PCDHA12: variants seen among roughly 807,000 people sequenced by gnomAD.
PCDHA12 encodes the protein protocadherin alpha-12.
PCDHA12 carries 44 observed loss-of-function variants against 60.0 expected under a neutral mutation model. The ratio of observed to expected loss-of-function variants is 0.73; its 90% CI spans 0.58 to 0.94. The LOEUF (loss-of-function observed/expected upper bound fraction) is 0.94. Among genes scored for constraint, PCDHA12 ranks in the 40% least tolerant of loss-of-function variants. The pLI is 0.00. For missense variants in PCDHA12, 1,276 were observed against 1,239.7 expected, an observed-to-expected ratio of 1.03 and a Z score of -0.44; for synonymous variants, 569 against 553.0, an observed-to-expected ratio of 1.03 and a Z score of -0.40.
intron 1 of PCDHA12, among the ~76,000 whole-genome samples, chr5:140,960,271 CA>C (rs1193468231): frequency 2.0e-5 from 3 of 152,182 alleles, no homozygotes; most frequent in Non-Finnish European, 4.4e-5. Flanking sequence ...TAAATTCCGT[CA>C]CCTTTTTGGG....
At chr5:140,958,700 C>G (rs2095439212) in intron 1 of PCDHA12, among the ~76,000 whole-genome samples, 1 of 152,086 alleles carries the variant, frequency 6.6e-6, no homozygotes, top group Non-Finnish European at 1.5e-5. Context: ...CCTAGAGTGA[C>G]AACTCTGTTA....
intron 3 of PCDHA12, among the ~76,000 whole-genome samples, chr5:140,984,016 T>G (rs2153832874): frequency 6.6e-6 from 1 of 152,280 alleles, no homozygotes; most frequent in Non-Finnish European, 1.5e-5. Context: ...TATTGCCAGA[T>G]TGCAAGGGGA....
chr5:140,998,569 GT>G (rs71574497), intron 3 of PCDHA12, among the ~76,000 whole-genome samples: 30,440 of 149,318 alleles, frequency 0.2, 3,131 homozygotes, highest in Middle Eastern at 0.33. Flanking sequence ...TTGTAAATAA[GT>G]TTTTTTTTTT....
At chr5:140,905,036 T>A (rs2071554831) in intron 1 of PCDHA12, among the ~76,000 whole-genome samples, 1 of 152,222 alleles carries the variant, frequency 6.6e-6, no homozygotes, top group Non-Finnish European at 1.5e-5. Flanking sequence ...AGCTTTTTAG[T>A]TTAATTAGGT....
chr5:140,945,560 C>T (rs1321626108), intron 1 of PCDHA12, among the ~76,000 whole-genome samples: 3 of 151,960 alleles, frequency 2.0e-5, no homozygotes, highest in Non-Finnish European at 2.9e-5. Context: ...AAGCTGAAGA[C>T]ATCATACTAC....
intron 3 of PCDHA12, among the ~76,000 whole-genome samples, chr5:140,983,005 A>G (rs1468544114): frequency 2.0e-5 from 3 of 152,110 alleles, no homozygotes; most frequent in African/African-American, 4.8e-5. Flanking sequence ...AAAGAAAGAA[A>G]AAGGAAGGAA....
intron 1 of PCDHA12, chr5:140,969,438 C>G: frequency 6.5e-7 from 1 of 1,546,540 alleles, no homozygotes; most frequent in African/African-American, 1.4e-5. Flanking sequence ...CAAGAGTTAT[C>G]TGGTAAACTG....
At chr5:140,989,101 A>G (rs1293454775) in intron 3 of PCDHA12, 1 of 152,216 alleles carries the variant, frequency 6.6e-6, no homozygotes, top group African/African-American at 2.4e-5. Flanking sequence ...AGGAGAAACA[A>G]CTTTTGAATA....
In PCDHA12 at chr5:141,011,189, A is replaced by G. The variant is rs573647175; in HGVS notation, c.*1252A>G. On this transcript the variant is annotated 3_prime_UTR_variant, in exon 4 of 4. Coordinates refer to ENST00000398631, the MANE Select transcript of PCDHA12 (RefSeq NM_018903.4). ...CAAGACCCAAAAATTGAAGAAAAAT[A>G]TTGTTTTCTCATACAGTGAGCAGAT... 1.3e-5 allele frequency: 2 copies of G among 153,810 alleles called. No homozygotes were observed. Among genetic ancestry groups the G allele is most frequent in the African/African-American group, 4.8e-5 (2 of 41,570 alleles). 9.5% of individuals were successfully genotyped at this position (153,810 alleles called of 1,614,324 possible).
chr5:140,995,086 T>C (rs1182368049), intron 3 of PCDHA12, among the ~76,000 whole-genome samples: 2 of 152,246 alleles, frequency 1.3e-5, no homozygotes, highest in African/African-American at 4.8e-5. Context: ...TCCAAACTTA[T>C]CTGTGGAGAT....
chr5:140,996,837 G>A (rs1382866699), intron 3 of PCDHA12, among the ~76,000 whole-genome samples: 7 of 151,992 alleles, frequency 4.6e-5, no homozygotes, highest in African/African-American at 7.3e-5. Flanking sequence ...ATAATTTAGC[G>A]TGCATCTTCA....
At chr5:140,924,894 CAAAAA>C (rs782133089) in intron 1 of PCDHA12, among the ~76,000 whole-genome samples, 149 of 71,508 alleles carry the variant, frequency 2.1e-3, no homozygotes, top group African/African-American at 5.7e-3. Context: ...GAACCTGTCT[CAAAAA>C]AAAAAATAAA....
At chr5:140,947,811 A>G (rs1554218329) in intron 1 of PCDHA12, among the ~76,000 whole-genome samples, 1 of 151,582 alleles carries the variant, frequency 6.6e-6, no homozygotes, top group Admixed American at 6.6e-5. Flanking sequence ...TGCAGAGACT[A>G]TTTCTTCCTT....
rs1243853436 is a variant in PCDHA12, at chr5:140,900,308, A to G, written c.2367+22469A>G. ...CTTTTCTGTTTTTTTAGACAGTCTC[A>G]CTTTTGTCGCCCAGGCTGGAGTACC... On this transcript the variant is annotated intron_variant, in intron 1 of 3. Transcript: ENST00000398631. 1.3e-4 allele frequency among the ~76,000 whole-genome samples: 19 copies of G among 149,982 alleles called. No individual in the cohort carries two copies. The East Asian group carries it at 3.9e-3, about 31-fold the overall frequency.
At chr5:140,883,920 T>C in intron 1 of PCDHA12, 1 of 1,613,492 alleles carries the variant, frequency 6.2e-7, no homozygotes, top group Non-Finnish European at 8.5e-7. Flanking sequence ...AACGTGACGC[T>C]GCAGGTGTTC....
chr5:140,884,466 C>T (rs1212644572), intron 1 of PCDHA12: 3 of 1,613,764 alleles, frequency 1.9e-6, no homozygotes, highest in Non-Finnish European at 2.5e-6. Context: ...GGCGCGTGCG[C>T]GCCGGGCAAG....
rs535420158 is a variant in PCDHA12, at chr5:140,966,438, T to TC, written c.2368-12508dup. Reference sequence around the variant, plus strand: ...AGGACTTGCTGAGCCCTCCTACCGCTCCCTTTCCCCCTCCCCCTCTGTCTT... The same window carrying TC: ...AGGACTTGCTGAGCCCTCCTACCGCTCCCCTTTCCCCCTCCCCCTCTGTCTT... On this transcript the variant is annotated intron_variant, in intron 1 of 3. Transcript: ENST00000398631. 1.4e-5 allele frequency: 6 copies of TC among 422,688 alleles called. No homozygotes were observed. The East Asian group carries it at 1.4e-4, about 10-fold the overall frequency. 26.2% of individuals were successfully genotyped at this position (422,688 alleles called of 1,614,324 possible).
At chr5:140,964,482 G>A (rs1554227054) in intron 1 of PCDHA12, among the ~76,000 whole-genome samples, 1 of 152,144 alleles carries the variant, frequency 6.6e-6, no homozygotes, top group African/African-American at 2.4e-5. Flanking sequence ...TTTTTTCACA[G>A]TCACAGGTCT....
At position 140,927,035 on chromosome 5, in the gene PCDHA12, C is replaced by A. The variant is rs1554203936; in HGVS notation, c.2367+49196C>A. 2 of 1,612,296 alleles carry A rather than the reference C, an allele frequency of 1.2e-6. No homozygotes were observed. The highest frequency in any genetic ancestry group is 1.7e-6 in the Non-Finnish European group (2 of 1,178,902). Reference sequence around the variant, plus strand: ...TCCGCGGACTTGAGGCTGCCAGCGGCCGCTATGTCCTCGCGGAACTTTCGC... The same window carrying A: ...TCCGCGGACTTGAGGCTGCCAGCGGACGCTATGTCCTCGCGGAACTTTCGC... On this transcript the variant is annotated intron_variant, in intron 1 of 3. Transcript: ENST00000398631.
Sources: allele counts gnomAD v4.1 joint callset (sites outside exome capture counted in the v4.1 genomes callset), GRCh38; gene constraint gnomAD v4.1.1; transcripts MANE v1.5; gene names NCBI Gene and HGNC (gene_info 2026-07-23, HGNC 2026-07-21).